The following NCMAP variants were observed in gnomAD, a reference collection of about 807,000 sequenced individuals.
NCMAP encodes noncompact myelin-associated protein.
Under a neutral mutation model 7.8 loss-of-function variants are expected in NCMAP, and 8 were observed. That is an observed-to-expected ratio of 1.02 (90% CI 0.60 to 1.84). NCMAP has a LOEUF of 1.84. Ranked by LOEUF, NCMAP falls within the 40% of genes most tolerant of loss-of-function variation. The probability of loss-of-function intolerance (pLI) is 0.00; values close to 1 mark genes in which losing one functional copy is unlikely to be tolerated. For synonymous variants in NCMAP, 41 were observed against 52.9 expected (o/e 0.78, Z 0.98); for missense variants, 112 against 131.4 (o/e 0.85, Z 0.72).
intron 1 of NCMAP, among the ~76,000 whole-genome samples, chr1:24,559,120 G>A (rs1043732860): frequency 6.6e-6 from 1 of 152,210 alleles, no homozygotes; most frequent in African/African-American, 2.4e-5. Context: ...AGAAGTGCCT[G>A]TGGTAAGATG....
intron 1 of NCMAP, among the ~76,000 whole-genome samples, chr1:24,583,902 G>T (rs1004534511): frequency 6.6e-6 from 1 of 152,010 alleles, no homozygotes; most frequent in Non-Finnish European, 1.5e-5. Flanking sequence ...TAGATTTTGG[G>T]CAAGTCCCTT....
At position 24,579,026 on chromosome 1, in the gene NCMAP, G is replaced by T. The variant is rs115837699; in HGVS notation, c.-7-16398G>T. Among the ~76,000 whole-genome samples the T allele has an allele frequency of 6.0e-4, 91 of 152,188 alleles. 2 individuals are homozygous for T. In the East Asian group the frequency reaches 0.017, roughly 28 times the overall value. ...CCCACCCCAGTCAGGCTGGTTACCC[G>T]CAGACTGTGCCCGGCAGCGCGGACC... On this transcript the variant is annotated intron_variant, in intron 1 of 3. Transcript: ENST00000374392.
intron 2 of NCMAP, among the ~76,000 whole-genome samples, chr1:24,597,342 A>T (rs1234274517): frequency 6.6e-6 from 1 of 151,480 alleles, no homozygotes; most frequent in East Asian, 1.9e-4. Context: ...CTCTACTACT[A>T]AAAATACAAA....
At chr1:24,600,085 C>A (rs1293118105) in intron 2 of NCMAP, among the ~76,000 whole-genome samples, 1 of 151,938 alleles carries the variant, frequency 6.6e-6, no homozygotes, top group East Asian at 1.9e-4. Context: ...ATCCTCACCC[C>A]CCAGCCTCAC....
chr1:24,571,358 C>T lies in NCMAP; in HGVS notation c.-8+15189C>T, dbSNP rs1176088196. Among the ~76,000 whole-genome samples the T allele has an allele frequency of 1.3e-5, 2 of 149,026 alleles. 1 individual carries two copies. Among genetic ancestry groups the T allele is most frequent in the African/African-American group, 5.1e-5 (2 of 38,884 alleles). On this transcript the variant is annotated intron_variant, in intron 1 of 3. Coordinates refer to ENST00000374392, the MANE Select transcript of NCMAP (RefSeq NM_001010980.5). ...GGCGTGGTAGTGGACAGCTGTAATC[C>T]TAGCTACTCAAGAGGTTGAGGCAGG... is the stretch of plus-strand genomic sequence containing the variant.
At position 24,575,145 on chromosome 1, in the gene NCMAP, A is replaced by G. The variant is rs976792817; in HGVS notation, c.-8+18976A>G. ...AGATGTTTTAATTTCTGGGAGGCGG[A>G]GGTTGCAGTGACCCGAGATCGTGCC... On this transcript the variant is annotated intron_variant, in intron 1 of 3. Transcript: ENST00000374392. Among the ~76,000 whole-genome samples the G allele has an allele frequency of 9.2e-5, 14 of 151,658 alleles. No homozygotes were observed. The South Asian group carries it at 2.5e-3, about 27-fold the overall frequency.
chr1:24,605,684 C>T lies in NCMAP; in HGVS notation c.246C>T (p.Asn82=), dbSNP rs145589303. The T allele has an allele frequency of 3.3e-5, 54 of 1,614,200 alleles. No individual in the cohort carries two copies. In the Middle Eastern group the frequency reaches 6.6e-4, roughly 20 times the overall value. Residue 82 remains asparagine, a synonymous_variant, in exon 4 of 4, where the codon AAC becomes AAT. Coordinates refer to ENST00000374392, the MANE Select transcript of NCMAP (RefSeq NM_001010980.5). ...TAPSAVGPNS[N]GSQHPATVTF... is the part of the protein sequence containing the mutation. ...CTTCTGCCGTGGGCCCAAACAGCAA[C>T]GGCAGCCAACACCCAGCAACTGTGA...
chr1:24,593,890 T>A (rs1652129388), intron 1 of NCMAP, among the ~76,000 whole-genome samples: 1 of 147,434 alleles, frequency 6.8e-6, no homozygotes. Flanking sequence ...ATTTATTTAT[T>A]TATTTATTTA....
chr1:24,592,851 G>A (rs1370857261), intron 1 of NCMAP, among the ~76,000 whole-genome samples: 8 of 152,034 alleles, frequency 5.3e-5, no homozygotes, highest in East Asian at 1.9e-4. Context: ...CCCGGGAGGC[G>A]GAGCTTGCAG....
At chr1:24,579,181 A>C (rs1570524709) in intron 1 of NCMAP, among the ~76,000 whole-genome samples, 1 of 136,706 alleles carries the variant, frequency 7.3e-6, no homozygotes. Context: ...GAAAAGGTGC[A>C]TGGGGTAGGG....
chr1:24,564,616 T>C (rs1208697836), intron 1 of NCMAP, among the ~76,000 whole-genome samples: 1 of 136,076 alleles, frequency 7.3e-6, no homozygotes, highest in East Asian at 2.1e-4. Flanking sequence ...AGGAAATAAA[T>C]AATTGACGAA....
intron 1 of NCMAP, among the ~76,000 whole-genome samples, chr1:24,585,128 G>A (rs1253783552): frequency 3.3e-5 from 5 of 152,100 alleles, no homozygotes; most frequent in South Asian, 2.1e-4. Context: ...GGGAGCACAC[G>A]GCAGAATTCC....
At chr1:24,580,305 G>A (rs1413668575) in intron 1 of NCMAP, among the ~76,000 whole-genome samples, 2 of 152,184 alleles carry the variant, frequency 1.3e-5, no homozygotes, top group African/African-American at 4.8e-5. Flanking sequence ...ATCATGTCAG[G>A]CAGTGCAGGG....
intron 1 of NCMAP, among the ~76,000 whole-genome samples, chr1:24,577,420 T>TGTTTTTG (rs1553155955): frequency 7.0e-6 from 1 of 143,750 alleles, no homozygotes; most frequent in Non-Finnish European, 1.5e-5. Flanking sequence ...TTTTTTTTTT[T>TGTTTTTG]TTTTTTTTTT....
rs754213598 is a variant in NCMAP, at chr1:24,608,057, C to T, written c.*2310C>T. ...TTAAATATCCACCAAGTGTCAAGGA[C>T]TTTGTAAGATGCTTTCACATAAATT... On this transcript the variant is annotated 3_prime_UTR_variant, in exon 4 of 4. Coordinates refer to ENST00000374392, the MANE Select transcript of NCMAP (RefSeq NM_001010980.5). The T allele has an allele frequency of 2.0e-5, 3 of 152,176 alleles. No individual in the cohort carries two copies. Among genetic ancestry groups the T allele is most frequent in the Non-Finnish European group, 4.4e-5 (3 of 68,036 alleles). 9.4% of individuals were successfully genotyped at this position (152,176 alleles called of 1,614,324 possible). A position where few individuals can be genotyped will look rare whatever the true frequency, so the allele number is the denominator to read the frequency against.
At chr1:24,559,911 C>T (rs1202873842) in intron 1 of NCMAP, among the ~76,000 whole-genome samples, 1 of 152,178 alleles carries the variant, frequency 6.6e-6, no homozygotes, top group Non-Finnish European at 1.5e-5. Flanking sequence ...CCTGTAATCC[C>T]AGCACTTTGG....
In NCMAP at chr1:24,607,690, C is replaced by T. The variant is rs1652808202; in HGVS notation, c.*1943C>T. The T allele has an allele frequency of 6.6e-6, 1 of 152,210 alleles. No individual in the cohort carries two copies. Among genetic ancestry groups the T allele is most frequent in the Admixed American group, 6.6e-5 (1 of 15,264 alleles). 9.4% of individuals were successfully genotyped at this position (152,210 alleles called of 1,614,324 possible). A position where few individuals can be genotyped will look rare whatever the true frequency, so the allele number is the denominator to read the frequency against. On this transcript the variant is annotated 3_prime_UTR_variant, in exon 4 of 4. Coordinates refer to ENST00000374392, the MANE Select transcript of NCMAP (RefSeq NM_001010980.5). ...GACCAGCCTGGCCAACATGGCAAAA[C>T]CCTGTCTCTACTAATAATACAAAAT...
In NCMAP at chr1:24,605,991, G is replaced by A; in HGVS notation, c.*244G>A. 1 of 500,600 alleles carries A rather than the reference G, an allele frequency of 2.0e-6. No individual in the cohort carries two copies. The highest frequency in any genetic ancestry group is 2.8e-5 in the South Asian group (1 of 36,172). 31.0% of individuals were successfully genotyped at this position (500,600 alleles called of 1,614,324 possible). A position where few individuals can be genotyped will look rare whatever the true frequency, so the allele number is the denominator to read the frequency against. The stretch of plus-strand genomic sequence containing the variant: ...GCAGAACATTCTTTTGTCATCTGAT[G>A]AGGTAGAGCTATGTTGGGAATCCAC... On this transcript the variant is annotated 3_prime_UTR_variant, in exon 4 of 4. Coordinates refer to ENST00000374392, the MANE Select transcript of NCMAP (RefSeq NM_001010980.5).
At chr1:24,574,014 G>A (rs1325085689) in intron 1 of NCMAP, among the ~76,000 whole-genome samples, 1 of 143,100 alleles carries the variant, frequency 7.0e-6, no homozygotes, top group Non-Finnish European at 1.5e-5. Flanking sequence ...CTGGAGCTGG[G>A]ATACGCTCAT....
Sources: allele counts gnomAD v4.1 joint callset (sites outside exome capture counted in the v4.1 genomes callset), GRCh38; gene constraint gnomAD v4.1.1; transcripts MANE v1.5; gene names NCBI Gene and HGNC (gene_info 2026-07-23, HGNC 2026-07-21).